Variants in KIN observed in about 807,000 individuals in gnomAD.
The protein encoded by KIN is Kin17 DNA and RNA binding protein.
Under a neutral mutation model 63.0 loss-of-function variants are expected in KIN, and 47 were observed. The ratio of observed to expected loss-of-function variants is 0.75; its 90% confidence interval spans 0.59 to 0.95. The LOEUF is 0.95. KIN is among the 40% of genes least tolerant of loss of function. The pLI is 0.00. For missense variants in KIN, 408 were observed against 460.9 expected (o/e 0.89, Z 1.05); for synonymous variants, 160 against 157.7 (o/e 1.01, Z -0.11).
chr10:7,765,994 G>T, intron 9 of KIN, 59 bp downstream of exon 9: 1 of 1,236,398 alleles, frequency 8.1e-7, no homozygotes, highest in Non-Finnish European at 1.2e-6. Flanking sequence ...CCAAATGCTA[G>T]TTAAATCATT....
Position 7,753,991 on chromosome 10 carries a change from A to C in KIN, c.*2089T>G, listed in dbSNP as rs908369821. The C allele has an allele frequency of 1.3e-5, 6 of 455,380 alleles. No homozygotes were observed. The highest frequency in any genetic ancestry group is 2.6e-5 in the Non-Finnish European group (6 of 226,594). The allele number at this position is 455,380 out of a possible 1,614,324, so 28.2% of individuals were successfully genotyped here. On this transcript the variant is annotated 3_prime_UTR_variant, in exon 13 of 13. Transcript: ENST00000379562. ...AGCTTATACCCATCCTCATGTTTGA[A>C]GTGATCATCCTGGTATGGTCTGTTT...
At chr10:7,765,561 AT>A (rs1271231275) in intron 9 of KIN, among the ~76,000 whole-genome samples, 1 of 152,254 alleles carries the variant, frequency 6.6e-6, no homozygotes, top group Non-Finnish European at 1.5e-5. Context: ...CTATTTTTAA[AT>A]TATTTTAAAA....
chr10:7,770,029 C>T (rs1001674063), intron 7 of KIN, among the ~76,000 whole-genome samples: 54 of 152,274 alleles, frequency 3.5e-4, no homozygotes, highest in African/African-American at 1.1e-3. Flanking sequence ...CTCCCAGGTT[C>T]AAGCGATTCT....
At chr10:7,767,703 T>C (rs971292694) in intron 8 of KIN, among the ~76,000 whole-genome samples, 3 of 151,664 alleles carry the variant, frequency 2.0e-5, no homozygotes, top group South Asian at 4.2e-4. Context: ...ACTAAAAATA[T>C]AAAAAATTAG....
chr10:7,759,870 C>T lies in KIN; in HGVS notation c.1119+20G>A. 2 of 1,204,300 alleles carry T rather than the reference C, an allele frequency of 1.7e-6. No individual in the cohort carries two copies. The highest frequency in any genetic ancestry group is 2.4e-6 in the Non-Finnish European group (2 of 823,322). The allele number at this position is 1,204,300 out of a possible 1,614,324, so 74.6% of individuals were successfully genotyped here. A position where few individuals can be genotyped will look rare whatever the true frequency, so the allele number is the denominator to read the frequency against. On this transcript the variant is annotated intron_variant, in intron 12 of 12. Coordinates refer to ENST00000379562, the MANE Select transcript of KIN (RefSeq NM_012311.4). ...TTTTAAAGCATTTTGAAATTTCTGT[C>T]TTTGTGTAAACAAACTTACAGTTTC...
chr10:7,782,610 G>C (rs553365935), intron 2 of KIN, among the ~76,000 whole-genome samples: 1 of 151,914 alleles, frequency 6.6e-6, no homozygotes, highest in African/African-American at 2.4e-5. Context: ...TCTTGGCCAC[G>C]CTGGTCTTGA....
rs1385572533 is a variant in KIN at position 7,753,315 on chromosome 10, G to A, written c.*2765C>T. ...GTTGGAGAATTAAATGTGGGAGGCA[G>A]ACATGAAACATTTTTTCTCTGAAGA... is the stretch of plus-strand genomic sequence containing the variant. On this transcript the variant is annotated 3_prime_UTR_variant, in exon 13 of 13. Coordinates refer to ENST00000379562, the MANE Select transcript of KIN (RefSeq NM_012311.4). 6.6e-6 allele frequency: 1 copy of A among 152,224 alleles called. No homozygotes were observed. The highest frequency in any genetic ancestry group is 6.5e-5 in the Admixed American group (1 of 15,284). The allele number at this position is 152,224 out of a possible 1,614,324, so 9.4% of individuals were successfully genotyped here.
Position 7,751,272 on chromosome 10 carries a change from C to A in KIN, c.*4808G>T, listed in dbSNP as rs528528237. ...TTTTTAAAGGCACATTTTTATGAAT[C>A]TTCCTTTCCATAATCTGGTAAAAAT... On this transcript the variant is annotated 3_prime_UTR_variant, in exon 13 of 13. Coordinates refer to ENST00000379562, the MANE Select transcript of KIN (RefSeq NM_012311.4). 6.6e-6 allele frequency: 1 copy of A among 152,304 alleles called. No homozygotes were observed. The highest frequency in any genetic ancestry group is 1.5e-5 in the Non-Finnish European group (1 of 68,030). 9.4% of individuals were successfully genotyped at this position (152,304 alleles called of 1,614,324 possible).
chr10:7,761,292 A>G (rs1027994736), intron 11 of KIN: 1 of 152,186 alleles, frequency 6.6e-6, no homozygotes, highest in African/African-American at 2.4e-5. Context: ...TAGGGGGAAA[A>G]AGAATAAAGA....
intron 8 of KIN, among the ~76,000 whole-genome samples, chr10:7,767,555 A>G (rs1405377204): frequency 6.6e-6 from 1 of 152,132 alleles, no homozygotes; most frequent in East Asian, 1.9e-4. Context: ...GAGGACTAGG[A>G]ACAGAGAAGA....
At chr10:7,765,125 C>T (rs1024914202) in intron 9 of KIN, among the ~76,000 whole-genome samples, 6 of 144,890 alleles carry the variant, frequency 4.1e-5, no homozygotes, top group Non-Finnish European at 9.0e-5. Context: ...TGCCATTGCA[C>T]TCCAGCCTGG....
rs558810867 is a variant in KIN at position 7,756,241 on chromosome 10, A to T, written c.1120-99T>A. 4 of 582,000 alleles carry T rather than the reference A, an allele frequency of 6.9e-6. No individual in the cohort carries two copies. In the East Asian group the frequency reaches 1.2e-4, roughly 17 times the overall value. 36.1% of individuals were successfully genotyped at this position (582,000 alleles called of 1,614,324 possible). The stretch of plus-strand genomic sequence containing the variant: ...ATGGATACAAATTTGCCTTTTCCGC[A>T]TCCCTAAAATACCATTAAGATTGTT... On this transcript the variant is annotated intron_variant, in intron 12 of 12. Coordinates refer to ENST00000379562, the MANE Select transcript of KIN (RefSeq NM_012311.4).
chr10:7,771,762 G>T (rs141121065), intron 7 of KIN, among the ~76,000 whole-genome samples: 3 of 151,966 alleles, frequency 2.0e-5, no homozygotes, highest in Non-Finnish European at 2.9e-5. Flanking sequence ...GAGCATGGTG[G>T]TGCATGCCTG....
rs759844284 is a variant in KIN at position 7,787,816 on chromosome 10, T to G, written c.114+4A>C. 3 of 1,607,436 alleles carry G rather than the reference T, an allele frequency of 1.9e-6. No homozygotes were observed. Among genetic ancestry groups the G allele is most frequent in the African/African-American group, 2.7e-5 (2 of 74,804 alleles). ...GAAGACGGGGCCACTCCGGGCCCAC[T>G]CACCTCGTCCCGGCACTGCTTCTGG... On this transcript the variant is annotated splice_donor_region_variant and intron_variant, in intron 1 of 12. Transcript: ENST00000379562.
chr10:7,765,211 A>C (rs1835518954), intron 9 of KIN, among the ~76,000 whole-genome samples: 1 of 151,846 alleles, frequency 6.6e-6, no homozygotes, highest in Admixed American at 6.6e-5. Context: ...CAGTAATCCT[A>C]ACACCCTGGG....
chr10:7,785,581 TC>T (rs1345802109), intron 1 of KIN, among the ~76,000 whole-genome samples: 19 of 152,042 alleles, frequency 1.2e-4, no homozygotes, highest in African/African-American at 4.3e-4. Flanking sequence ...TTACCTGAGG[TC>T]GGGAGTTTGA....
At position 7,755,600 on chromosome 10, in the gene KIN, A is replaced by G. The variant is rs1835318115; in HGVS notation, c.*480T>C. On this transcript the variant is annotated 3_prime_UTR_variant, in exon 13 of 13. Coordinates refer to ENST00000379562, the MANE Select transcript of KIN (RefSeq NM_012311.4). ...GCACAATTCTGCAAAAATACTAAAA[A>G]CCACTGAATTGTATGTATATTTTAA... is the stretch of plus-strand genomic sequence containing the variant. 6.6e-6 allele frequency: 1 copy of G among 152,186 alleles called. No individual in the cohort carries two copies. Among genetic ancestry groups the G allele is most frequent in the East Asian group, 1.9e-4 (1 of 5,198 alleles). The allele number at this position is 152,186 out of a possible 1,614,324, so 9.4% of individuals were successfully genotyped here.
At chr10:7,767,865 CAA>C (rs59238687) in intron 8 of KIN, among the ~76,000 whole-genome samples, 20 of 69,064 alleles carry the variant, frequency 2.9e-4, no homozygotes, top group South Asian at 4.5e-4. Context: ...GACTCCGTCT[CAA>C]AAAAAAAAAA....
At position 7,772,002 on chromosome 10, in the gene KIN, G is replaced by C. The variant is rs996995412; in HGVS notation, c.669-2657C>G. 2.6e-5 allele frequency among the ~76,000 whole-genome samples: 4 copies of C among 152,076 alleles called. No homozygotes were observed. The East Asian group carries it at 7.7e-4, about 29-fold the overall frequency. On this transcript the variant is annotated intron_variant, in intron 7 of 12. Transcript: ENST00000379562. ...AAAGATGATCAGAAGAGCCCAGCAA[G>C]ATCTCAGGGTGATGTAAAGGGCATT...
Sources: gnomAD v4.1 joint callset for allele counts (sites outside exome capture counted in the v4.1 genomes callset) on GRCh38, gnomAD v4.1.1 for gene constraint, MANE v1.5 for transcripts, NCBI Gene and HGNC (gene_info 2026-07-23, HGNC 2026-07-21) for gene names.